FMN1: variants seen among roughly 807,000 people sequenced by gnomAD.
FMN1 encodes formin 1.
Under a neutral mutation model 132.4 loss-of-function variants are expected in FMN1, and 110 were observed. The ratio of observed to expected loss-of-function variants is 0.83; its 90% confidence interval spans 0.71 to 0.97. FMN1 has a LOEUF of 0.97. Among genes scored for constraint, FMN1 ranks in the 50% least tolerant of loss-of-function variants. The pLI is 0.00. For synonymous variants in FMN1, 722 were observed against 651.7 expected, an observed-to-expected ratio of 1.11 and a Z score of -1.64; for missense variants, 1,792 against 1,705.3, an observed-to-expected ratio of 1.05 and a Z score of -0.90.
At chr15:33,150,670 T>A in intron 4 of FMN1, 3 of 985,404 alleles carry the variant, frequency 3.0e-6, no homozygotes, top group Non-Finnish European at 3.6e-6. Context: ...CATTGAAGAG[T>A]CTTCCAACTG....
At chr15:33,084,508 C>A (rs1380982618) in intron 5 of FMN1, among the ~76,000 whole-genome samples, 3 of 151,674 alleles carry the variant, frequency 2.0e-5, no homozygotes, top group Non-Finnish European at 2.9e-5. Context: ...CCAAGTAGAT[C>A]GTGTCAATTG....
At chr15:33,092,388 C>A (rs2038934620) in intron 4 of FMN1, among the ~76,000 whole-genome samples, 1 of 152,178 alleles carries the variant, frequency 6.6e-6, no homozygotes, top group African/African-American at 2.4e-5. Flanking sequence ...TCCCTCCCTG[C>A]AATATGATCA....
rs1390944718 is a variant in FMN1 at position 33,144,573 on chromosome 15, A to G, written c.1867+8475T>C. Among the ~76,000 whole-genome samples, 6 of 151,018 alleles carry G rather than the reference A, an allele frequency of 4.0e-5. No individual in the cohort carries two copies. The South Asian group carries it at 1.3e-3, about 32-fold the overall frequency. ...GAATGGCATGAACCCGGGAGGCGGA[A>G]CTTGCAGTGAGCCGAGATTGCGCCA... On this transcript the variant is annotated intron_variant, in intron 4 of 20. Transcript: ENST00000616417.
chr15:33,104,378 G>A (rs923264633), intron 4 of FMN1, among the ~76,000 whole-genome samples: 28 of 152,108 alleles, frequency 1.8e-4, no homozygotes, highest in African/African-American at 6.5e-4. Context: ...TTTAAAATGA[G>A]TCACAACAGT....
chr15:32,785,844 T>C (rs777264937), intron 19 of FMN1, among the ~76,000 whole-genome samples: 6 of 152,094 alleles, frequency 3.9e-5, no homozygotes, highest in East Asian at 1.9e-4. Flanking sequence ...TTTGGAAATA[T>C]TGGCAGACAA....
chr15:33,118,184 C>T (rs1250042335), intron 4 of FMN1, among the ~76,000 whole-genome samples: 1 of 152,178 alleles, frequency 6.6e-6, no homozygotes, highest in Non-Finnish European at 1.5e-5. Context: ...TAATTCACTG[C>T]CTAACATCCT....
chr15:32,955,124 G>A (rs550015458), intron 9 of FMN1, among the ~76,000 whole-genome samples: 13 of 152,284 alleles, frequency 8.5e-5, no homozygotes, highest in Admixed American at 1.3e-4. Context: ...AATAGGAACC[G>A]TCTCACTGGG....
At chr15:32,885,538 G>A (rs1439274872) in intron 16 of FMN1, among the ~76,000 whole-genome samples, 2 of 152,164 alleles carry the variant, frequency 1.3e-5, no homozygotes, top group South Asian at 2.1e-4. Flanking sequence ...CTTATCTTGT[G>A]AGAAGTCAAA....
chr15:32,908,490 T>A lies in FMN1; in HGVS notation c.3377A>T (p.Gln1126Leu). The change falls in exon 12 of 21, where the codon CAA becomes CTA. Residue 1126 changes from glutamine to leucine, a missense_variant and splice_region_variant. By Grantham distance (113) the Gln-to-Leu change is moderately radical (BLOSUM62 -2). Transcript: ENST00000616417. The part of the protein sequence containing the change: ...EELKLLDKPE[Q>L]FLHELAQIPN... ...ACAGAAAAATGTTAAGTATCCTTAC[T>A]GCTCAGGTTTATCCAGCAGCTTCAG... The A allele has an allele frequency of 6.2e-7, 1 of 1,601,332 alleles. No individual in the cohort carries two copies. The highest frequency in any genetic ancestry group is 2.2e-5 in the East Asian group (1 of 44,782).
intron 6 of FMN1, among the ~76,000 whole-genome samples, chr15:33,047,847 G>A (rs1277197009): frequency 6.6e-6 from 1 of 151,816 alleles, no homozygotes; most frequent in African/African-American, 2.4e-5. Context: ...ATTCCTCCAA[G>A]GACTCCATCC....
chr15:33,057,348 A>G (rs546411980), intron 6 of FMN1, among the ~76,000 whole-genome samples: 4 of 152,350 alleles, frequency 2.6e-5, no homozygotes, highest in Middle Eastern at 3.4e-3. Flanking sequence ...TCACTTTGCT[A>G]TAACTCAGAG....
chr15:32,832,796 G>A (rs2058533565), intron 17 of FMN1, among the ~76,000 whole-genome samples: 1 of 152,026 alleles, frequency 6.6e-6, no homozygotes, highest in South Asian at 2.1e-4. Context: ...GGTAGTGCTT[G>A]GAATTGCTGA....
intron 17 of FMN1, among the ~76,000 whole-genome samples, chr15:32,827,320 A>G (rs1359212762): frequency 1.3e-5 from 2 of 152,194 alleles, no homozygotes; most frequent in Non-Finnish European, 2.9e-5. Context: ...TTGTGGCGGT[A>G]AGGCCCAGCT....
At chr15:32,785,174 G>C (rs1237776654) in intron 19 of FMN1, among the ~76,000 whole-genome samples, 1 of 23,898 alleles carries the variant, frequency 4.2e-5, no homozygotes, top group African/African-American at 1.4e-4. Context: ...GTGTGTGTGT[G>C]TGTGTGTGTG....
rs143295099 is a variant in FMN1 at position 33,084,958 on chromosome 15, C to T, written c.2043+3841G>A. Among the ~76,000 whole-genome samples, 951 of 152,292 alleles carry T rather than the reference C, an allele frequency of 6.2e-3. 4 individuals carry two copies. The highest frequency in any genetic ancestry group is 0.01 in the Non-Finnish European group (712 of 68,022). On this transcript the variant is annotated intron_variant, in intron 5 of 20. Coordinates refer to ENST00000616417, the MANE Select transcript of FMN1 (RefSeq NM_001277313.2). ...GAAAGTTAACATCCTGATTGTGACG[C>T]TGCAAGTCAGGTTTAAAACTGGAAG...
intron 3 of FMN1, among the ~76,000 whole-genome samples, chr15:33,172,714 T>C (rs1026728547): frequency 3.3e-5 from 5 of 152,046 alleles, no homozygotes; most frequent in African/African-American, 1.2e-4. Flanking sequence ...AGTGGCAGAG[T>C]TGGGCTTCAA....
intron 16 of FMN1, among the ~76,000 whole-genome samples, chr15:32,862,583 CTGTTTTT>C (rs1231628044): frequency 2.0e-5 from 3 of 152,132 alleles, no homozygotes; most frequent in Non-Finnish European, 4.4e-5. Context: ...TCAGAATTAT[CTGTTTTT>C]TGTTTTTCAC....
chr15:32,967,134 T>C (rs1300886172), intron 8 of FMN1, among the ~76,000 whole-genome samples: 4 of 152,248 alleles, frequency 2.6e-5, no homozygotes, highest in Non-Finnish European at 5.9e-5. Flanking sequence ...ATGAAACCAG[T>C]GAGACCTTCA....
chr15:32,980,870 C>T (rs1459029799), intron 7 of FMN1, among the ~76,000 whole-genome samples: 2 of 152,044 alleles, frequency 1.3e-5, no homozygotes, highest in East Asian at 1.9e-4. Context: ...AAAAATTAGC[C>T]GGGCGTGGTG....
Sources: allele counts gnomAD v4.1 joint callset (sites outside exome capture counted in the v4.1 genomes callset), GRCh38; gene constraint gnomAD v4.1.1; transcripts MANE v1.5; gene names NCBI Gene and HGNC (gene_info 2026-07-23, HGNC 2026-07-21).